THSD7B: variants seen among roughly 807,000 people sequenced by gnomAD.
THSD7B encodes thrombospondin type 1 domain containing 7B, also known as thrombospondin type-1 domain-containing protein 7B.
Under a neutral mutation model 213.6 loss-of-function variants are expected in THSD7B, and 138 were observed. The ratio of observed to expected loss-of-function variants is 0.65; its 90% CI spans 0.56 to 0.74. THSD7B has a LOEUF of 0.74. Ranked by LOEUF, THSD7B falls within the 30% of genes least tolerant of loss-of-function variation. The pLI, the probability that THSD7B is intolerant of heterozygous loss-of-function variation, is 0.00. For missense variants in THSD7B, 1,931 were observed against 1,991.5 expected, an observed-to-expected ratio of 0.97 and a Z score of 0.58; for synonymous variants, 742 against 687.0, an observed-to-expected ratio of 1.08 and a Z score of -1.25.
chr2:137,374,683 T>C (rs1456204494), intron 12 of THSD7B, among the ~76,000 whole-genome samples: 1 of 152,228 alleles, frequency 6.6e-6, no homozygotes, highest in Non-Finnish European at 1.5e-5. Context: ...CTTGCTTTAG[T>C]ACCAGCTGGC....
At chr2:137,653,419 T>C (rs929886046) in intron 21 of THSD7B, among the ~76,000 whole-genome samples, 1 of 152,088 alleles carries the variant, frequency 6.6e-6, no homozygotes, top group Non-Finnish European at 1.5e-5. Flanking sequence ...ATTTGGGTCA[T>C]ATCTGTTTGG....
At chr2:136,881,897 T>C (rs369761708) in intron 1 of THSD7B, among the ~76,000 whole-genome samples, 1 of 152,248 alleles carries the variant, frequency 6.6e-6, no homozygotes, top group East Asian at 1.9e-4. Context: ...AAATAAGTAG[T>C]TTTATCATCC....
chr2:137,150,805 A>G (rs1170348221), intron 5 of THSD7B, among the ~76,000 whole-genome samples: 1 of 152,164 alleles, frequency 6.6e-6, no homozygotes, highest in East Asian at 1.9e-4. Flanking sequence ...CAACTAGGCT[A>G]TATGGTATGG....
chr2:137,005,244 A>C (rs1370708964), intron 2 of THSD7B, among the ~76,000 whole-genome samples: 1 of 152,248 alleles, frequency 6.6e-6, no homozygotes, highest in Non-Finnish European at 1.5e-5. Context: ...TTGAGCCACC[A>C]AATGTTTATG....
intron 25 of THSD7B, among the ~76,000 whole-genome samples, chr2:137,662,481 T>C (rs1435604799): frequency 6.6e-6 from 1 of 152,066 alleles, no homozygotes; most frequent in Non-Finnish European, 1.5e-5. Context: ...AACCATCACC[T>C]GATGGTTGCC....
chr2:136,813,183 C>T (rs1682411695), intron 1 of THSD7B, among the ~76,000 whole-genome samples: 1 of 152,088 alleles, frequency 6.6e-6, no homozygotes, highest in Admixed American at 6.5e-5. Context: ...GATGAATATG[C>T]AATGATTTTT....
chr2:137,423,356 A>T (rs569861453), intron 14 of THSD7B, among the ~76,000 whole-genome samples: 28 of 152,216 alleles, frequency 1.8e-4, no homozygotes, highest in African/African-American at 5.1e-4. Context: ...AACTACATCT[A>T]TTGGCAGATA....
At position 137,302,198 on chromosome 2, in the gene THSD7B, C is replaced by T. The variant is rs552928494; in HGVS notation, c.2500+26172C>T. On this transcript the variant is annotated intron_variant, in intron 12 of 27. Coordinates refer to ENST00000409968, the MANE Select transcript of THSD7B (RefSeq NM_001316349.2). ...CATAGTTGATATTTAAACAATGGGA[C>T]TGAATGAGATCATGGAGGGATTGTA... Among the ~76,000 whole-genome samples the T allele has an allele frequency of 1.8e-4, 28 of 152,078 alleles. No homozygotes were observed. The South Asian group carries it at 5.9e-3, about 32-fold the overall frequency.
intron 17 of THSD7B, among the ~76,000 whole-genome samples, chr2:137,599,743 C>G (rs769113216): frequency 6.6e-6 from 1 of 152,188 alleles, no homozygotes; most frequent in Non-Finnish European, 1.5e-5. Context: ...CGACAAACAT[C>G]TAGCTCGAAG....
At chr2:137,489,428 A>G (rs1401591266) in intron 15 of THSD7B, among the ~76,000 whole-genome samples, 1 of 152,102 alleles carries the variant, frequency 6.6e-6, no homozygotes, top group African/African-American at 2.4e-5. Context: ...CTCAAAAAAA[A>G]AAGAAAAAAA....
intron 15 of THSD7B, among the ~76,000 whole-genome samples, chr2:137,514,739 C>A (rs1316767662): frequency 6.6e-6 from 1 of 152,068 alleles, no homozygotes; most frequent in African/African-American, 2.4e-5. Flanking sequence ...ACTAATAGTC[C>A]TTGGTGTGAA....
At chr2:136,912,340 A>T (rs1009255538) in intron 2 of THSD7B, among the ~76,000 whole-genome samples, 2 of 149,204 alleles carry the variant, frequency 1.3e-5, no homozygotes, top group Non-Finnish European at 3.0e-5. Context: ...AAAAAAAAAA[A>T]AAAAAAAAGG....
chr2:137,472,874 G>A (rs540734121), intron 15 of THSD7B, among the ~76,000 whole-genome samples: 135 of 152,138 alleles, frequency 8.9e-4, no homozygotes, highest in African/African-American at 3.0e-3. Context: ...TTCTGACATC[G>A]TATATTGGTC....
At chr2:136,985,135 T>G (rs1454710801) in intron 2 of THSD7B, among the ~76,000 whole-genome samples, 1 of 152,056 alleles carries the variant, frequency 6.6e-6, no homozygotes, top group East Asian at 1.9e-4. Context: ...TTTGGAAAAT[T>G]TGTAGCCTGG....
chr2:137,496,259 A>T lies in THSD7B; in HGVS notation c.3138+45236A>T, dbSNP rs149880249. On this transcript the variant is annotated intron_variant, in intron 15 of 27. Transcript: ENST00000409968. ...ATTCCAGGTCCAATGCTCTTAGCTG[A>T]CTTTCCTAAGGTCTCCTACGGCCAA... 5.6e-4 allele frequency among the ~76,000 whole-genome samples: 85 copies of T among 152,304 alleles called. 1 individual carries two copies. The East Asian group carries it at 0.014, about 25-fold the overall frequency.
At chr2:137,205,685 G>T (rs932429617) in intron 7 of THSD7B, among the ~76,000 whole-genome samples, 1 of 152,006 alleles carries the variant, frequency 6.6e-6, no homozygotes, top group Non-Finnish European at 1.5e-5. Context: ...TACAAAAATC[G>T]AGGTGATGGA....
intron 12 of THSD7B, among the ~76,000 whole-genome samples, chr2:137,389,068 A>G (rs1490027085): frequency 2.0e-5 from 3 of 151,290 alleles, no homozygotes; most frequent in African/African-American, 4.8e-5. Context: ...TAGTAATTCT[A>G]TTTTTAGCTT....
In THSD7B at chr2:137,618,406, C is replaced by T; in HGVS notation, c.3580C>T (p.Gln1194Ter). 6.2e-7 allele frequency: 1 copy of T among 1,613,750 alleles called. No individual in the cohort carries two copies. Among genetic ancestry groups the T allele is most frequent in the Non-Finnish European group, 8.5e-7 (1 of 1,179,848 alleles). ...QYNLTEWSTCQLSENAPCGQG... is the reference protein window; with the variant it reads ...QYNLTEWSTC Reference sequence around the variant, plus strand: ...TATGCCTGTAGAGTGGAGCACATGCCAGCTGAGTGAAAACGCACCCTGTGG... The same window carrying T: ...TATGCCTGTAGAGTGGAGCACATGCTAGCTGAGTGAAAACGCACCCTGTGG... Residue 1194 changes from glutamine to a stop codon, truncating the protein, a stop_gained, in exon 19 of 28, where the codon CAG (glutamine) becomes TAG (stop). Transcript: ENST00000409968. LOFTEE classifies it high-confidence loss of function.
At chr2:137,189,869 T>C (rs1336248356) in intron 7 of THSD7B, among the ~76,000 whole-genome samples, 1 of 152,116 alleles carries the variant, frequency 6.6e-6, no homozygotes, top group Non-Finnish European at 1.5e-5. Context: ...CCTTCTTATA[T>C]ATGCTCCTCA....
Sources: allele counts gnomAD v4.1 joint callset (sites outside exome capture counted in the v4.1 genomes callset), GRCh38; gene constraint gnomAD v4.1.1; transcripts MANE v1.5; gene names NCBI Gene and HGNC (gene_info 2026-07-23, HGNC 2026-07-21).